Variants in KDM4C observed in about 807,000 individuals in gnomAD.
KDM4C encodes lysine-specific demethylase 4C.
KDM4C carries 81 observed loss-of-function variants against 129.3 expected under a neutral mutation model. The observed-to-expected ratio is 0.63, with a 90% CI of 0.52 to 0.75. The LOEUF (loss-of-function observed/expected upper bound fraction) is 0.75, where lower values mean the gene tolerates loss of function less well. Among genes scored for constraint, KDM4C ranks in the 30% least tolerant of loss-of-function variants. KDM4C has a pLI of 0.00. For synonymous variants in KDM4C, 573 were observed against 456.1 expected (o/e 1.26, Z -3.26); for missense variants, 1,457 against 1,304.0 (o/e 1.12, Z -1.81).
At chr9:6,920,818 C>G (rs1420223926) in intron 8 of KDM4C, among the ~76,000 whole-genome samples, 1 of 152,106 alleles carries the variant, frequency 6.6e-6, no homozygotes, top group African/African-American at 2.4e-5. Context: ...AAAGGAACTA[C>G]TTCACCTTCT....
At chr9:6,837,328 A>G (rs1405531701) in intron 4 of KDM4C, among the ~76,000 whole-genome samples, 5 of 152,194 alleles carry the variant, frequency 3.3e-5, no homozygotes. Flanking sequence ...AAGTATTACG[A>G]TTACAGGCGT....
chr9:7,048,062 T>G (rs1232367883), intron 16 of KDM4C, among the ~76,000 whole-genome samples: 1 of 152,066 alleles, frequency 6.6e-6, no homozygotes, highest in Non-Finnish European at 1.5e-5. Context: ...AAGAAGATGT[T>G]CTTCCACAGT....
chr9:6,844,948 A>C (rs1483085175), intron 4 of KDM4C, among the ~76,000 whole-genome samples: 1 of 152,160 alleles, frequency 6.6e-6, no homozygotes, highest in East Asian at 1.9e-4. Flanking sequence ...TCGGCCTCCC[A>C]AAGTGCTGGG....
intron 6 of KDM4C, among the ~76,000 whole-genome samples, chr9:6,885,526 A>G (rs1211216572): frequency 6.6e-6 from 1 of 152,018 alleles, no homozygotes; most frequent in Non-Finnish European, 1.5e-5. Flanking sequence ...TTATTATCCT[A>G]GCCTTCCATC....
At chr9:6,849,050 GT>G (rs1440507485) in intron 4 of KDM4C, among the ~76,000 whole-genome samples, 2 of 152,136 alleles carry the variant, frequency 1.3e-5, no homozygotes, top group Non-Finnish European at 2.9e-5. Context: ...TTTGCTGTTG[GT>G]TTCTTGATGT....
rs781258037 is a variant in KDM4C at position 7,103,709 on chromosome 9, G to A, written c.2449G>A (p.Val817Ile). The A allele has an allele frequency of 1.2e-6, 2 of 1,613,860 alleles. No individual in the cohort carries two copies. The highest frequency in any genetic ancestry group is 1.7e-6 in the Non-Finnish European group (2 of 1,179,886). The part of the protein sequence containing the change: ...KLKCIFCRHR[V>I]KRVSGACIQC... ...GAAATGCATCTTCTGCAGACACCGG[G>A]TTAAGAGGGTCTCTGGAGCCTGCAT... Residue 817 changes from valine (V) to isoleucine (I), a missense_variant, in exon 18 of 22, where the codon GTT (valine) becomes ATT (isoleucine). Transcript: ENST00000381309.
At chr9:6,945,680 A>T (rs1322937451) in intron 8 of KDM4C, among the ~76,000 whole-genome samples, 1 of 152,214 alleles carries the variant, frequency 6.6e-6, no homozygotes, top group East Asian at 1.9e-4. Flanking sequence ...AATATCATTT[A>T]AAACCAGGAT....
At chr9:6,831,958 A>C (rs868497642) in intron 4 of KDM4C, among the ~76,000 whole-genome samples, 35 of 152,230 alleles carry the variant, frequency 2.3e-4, no homozygotes, top group African/African-American at 7.5e-4. Context: ...GATCCTGAGT[A>C]CTTAGGCAGT....
rs60027534 is a variant in KDM4C, at chr9:6,913,975, C to T, written c.921+20743C>T. Among the ~76,000 whole-genome samples, 13 of 152,302 alleles carry T rather than the reference C, an allele frequency of 8.5e-5. No homozygotes were observed. In the East Asian group the frequency reaches 1.9e-3, roughly 23 times the overall value. ...CCTTTAGGAGCAACTGCACTTTCTG[C>T]GTTTCTTTTTCAATTCTGTTCCATC... is the stretch of plus-strand genomic sequence containing the variant. On this transcript the variant is annotated intron_variant, in intron 8 of 21. Coordinates refer to ENST00000381309, the MANE Select transcript of KDM4C (RefSeq NM_015061.6).
chr9:6,837,354 G>A (rs1836070531), intron 4 of KDM4C, among the ~76,000 whole-genome samples: 1 of 152,174 alleles, frequency 6.6e-6, no homozygotes, highest in African/African-American at 2.4e-5. Flanking sequence ...ACTCTGCCCA[G>A]CTTATAATCA....
At chr9:7,052,907 G>GTTGTAC (rs1564049905) in intron 17 of KDM4C, among the ~76,000 whole-genome samples, 17 of 9,300 alleles carry the variant, frequency 1.8e-3, no homozygotes, top group African/African-American at 0.01. Context: ...GAGAGCGAGC[G>GTTGTAC]AGTGCCCAAG....
intron 19 of KDM4C, among the ~76,000 whole-genome samples, chr9:7,161,357 A>G (rs770314645): frequency 2.0e-5 from 3 of 152,212 alleles, no homozygotes; most frequent in African/African-American, 4.8e-5. Context: ...ACCAGTCCCA[A>G]TGAGATGAAC....
chr9:6,870,907 C>T (rs1399486067), intron 5 of KDM4C, among the ~76,000 whole-genome samples: 3 of 152,156 alleles, frequency 2.0e-5, no homozygotes, highest in Admixed American at 6.5e-5. Context: ...GAATTCTCCC[C>T]TCTGTGGTCC....
At chr9:6,823,025 A>G (rs1016500337) in intron 4 of KDM4C, among the ~76,000 whole-genome samples, 1 of 152,222 alleles carries the variant, frequency 6.6e-6, no homozygotes, top group Non-Finnish European at 1.5e-5. Context: ...TAGCATAATG[A>G]TGATTCTTCT....
At chr9:7,145,461 C>T (rs990341280) in intron 19 of KDM4C, among the ~76,000 whole-genome samples, 1 of 152,164 alleles carries the variant, frequency 6.6e-6, no homozygotes, top group Non-Finnish European at 1.5e-5. Flanking sequence ...CACCTCATCC[C>T]TTAACTGTTC....
At chr9:6,963,734 TC>T (rs1015627402) in intron 8 of KDM4C, among the ~76,000 whole-genome samples, 6 of 152,188 alleles carry the variant, frequency 3.9e-5, no homozygotes, top group African/African-American at 1.4e-4. Context: ...CGCACATTCT[TC>T]CAGAGAAGCA....
At chr9:6,865,944 A>G (rs373014304) in intron 5 of KDM4C, among the ~76,000 whole-genome samples, 2,173 of 151,848 alleles carry the variant, frequency 0.014, 51 homozygotes, top group African/African-American at 0.049. Flanking sequence ...TAGTAGAGAC[A>G]GGGTTTCCCC....
chr9:7,172,521 A>T (rs572074153), intron 21 of KDM4C, among the ~76,000 whole-genome samples: 3 of 152,230 alleles, frequency 2.0e-5, no homozygotes, highest in Non-Finnish European at 4.4e-5. Context: ...ACTCAGAGGA[A>T]GTATTTTGCC....
At chr9:6,977,524 T>G (rs993925202) in intron 8 of KDM4C, among the ~76,000 whole-genome samples, 9 of 152,304 alleles carry the variant, frequency 5.9e-5, no homozygotes, top group African/African-American at 2.2e-4. Context: ...GCCTATTTTG[T>G]TTTTTAAATA....
Sources: allele counts gnomAD v4.1 joint callset (sites outside exome capture counted in the v4.1 genomes callset), GRCh38; gene constraint gnomAD v4.1.1; transcripts MANE v1.5; gene names NCBI Gene and HGNC (gene_info 2026-07-23, HGNC 2026-07-21).